SLC12A2: variants seen among roughly 807,000 people sequenced by gnomAD.
The protein encoded by SLC12A2 is solute carrier family 12 member 2.
Under a neutral mutation model 136.3 loss-of-function variants are expected in SLC12A2, and 67 were observed. That is an observed-to-expected ratio of 0.49 (90% CI 0.40 to 0.60). The LOEUF (loss-of-function observed/expected upper bound fraction) is 0.60, where lower values mean the gene tolerates loss of function less well. Ranked by LOEUF, SLC12A2 falls within the 20% of genes least tolerant of loss-of-function variation. SLC12A2 has a pLI of 0.00. For missense variants in SLC12A2, 1,322 were observed against 1,534.7 expected, an observed-to-expected ratio of 0.86 and a Z score of 2.32; for synonymous variants, 619 against 562.9, an observed-to-expected ratio of 1.10 and a Z score of -1.41.
In SLC12A2 at chr5:128,131,188, C is replaced by G. The variant is rs375928032; in HGVS notation, c.1170C>G (p.Thr390=). ...TGTATGTGGTTGGATTTGCAGAAAC[C>G]GTGGTGGAGTTGCTTAAGGTAATTC... is the stretch of plus-strand genomic sequence containing the variant. ...VAMYVVGFAE[T]VVELLKEHSI... Residue 390 remains threonine (T), a synonymous_variant, in exon 5 of 27, where the codon ACC becomes ACG. Coordinates refer to ENST00000262461, the MANE Select transcript of SLC12A2 (RefSeq NM_001046.3). 2 of 1,614,088 alleles carry G rather than the reference C, an allele frequency of 1.2e-6. No individual in the cohort carries two copies. The highest frequency in any genetic ancestry group is 1.7e-6 in the Non-Finnish European group (2 of 1,179,998).
chr5:128,177,993 G>A (rs1223425118), intron 21 of SLC12A2, among the ~76,000 whole-genome samples: 2 of 152,122 alleles, frequency 1.3e-5, no homozygotes, highest in Non-Finnish European at 2.9e-5. Context: ...AGAATTGGGT[G>A]CCACATATTG....
intron 7 of SLC12A2, among the ~76,000 whole-genome samples, chr5:128,136,155 C>A (rs926368137): frequency 6.6e-6 from 1 of 152,030 alleles, no homozygotes; most frequent in Non-Finnish European, 1.5e-5. Context: ...TATTTAAGCA[C>A]AACAGTATAA....
intron 16 of SLC12A2, among the ~76,000 whole-genome samples, chr5:128,161,058 G>A (rs193169364): frequency 4.3e-4 from 66 of 152,206 alleles, no homozygotes; most frequent in Non-Finnish European, 5.0e-4. Flanking sequence ...TTTAGGGTGT[G>A]TACTCTTAAG....
chr5:128,150,120 A>T (rs1468136377), intron 13 of SLC12A2, 22 bp downstream of exon 13: 6 of 1,429,934 alleles, frequency 4.2e-6, no homozygotes, highest in Non-Finnish European at 5.9e-6. Flanking sequence ...TTTTTAAAAA[A>T]GTTTGTAAAT....
At chr5:128,141,046 G>A (rs1762349938) in intron 9 of SLC12A2, among the ~76,000 whole-genome samples, 1 of 152,022 alleles carries the variant, frequency 6.6e-6, no homozygotes, top group Non-Finnish European at 1.5e-5. Flanking sequence ...TAAAGTATAA[G>A]GAATGGTAAT....
chr5:128,152,125 C>T (rs1581115885), intron 14 of SLC12A2, among the ~76,000 whole-genome samples: 3 of 152,214 alleles, frequency 2.0e-5, no homozygotes, highest in African/African-American at 7.2e-5. Flanking sequence ...TAGTTTTAAA[C>T]AGTAAGAACA....
chr5:128,186,300 T>A (rs1166452760), intron 26 of SLC12A2, among the ~76,000 whole-genome samples, 196 bp from the exon 27 acceptor site: 1 of 152,160 alleles, frequency 6.6e-6, no homozygotes, highest in African/African-American at 2.4e-5. Context: ...TTCTGAGAAA[T>A]GCGTCTCCAT....
At chr5:128,143,869 T>G (rs1762444690) in intron 10 of SLC12A2, among the ~76,000 whole-genome samples, 1 of 150,126 alleles carries the variant, frequency 6.7e-6, no homozygotes, top group South Asian at 2.1e-4. Context: ...AACTAAAATT[T>G]GTAAAGGCAT....
chr5:128,133,433 A>G (rs1041064586), intron 5 of SLC12A2, among the ~76,000 whole-genome samples: 2 of 152,080 alleles, frequency 1.3e-5, no homozygotes, highest in African/African-American at 2.4e-5. Context: ...ATTTCTTTTG[A>G]AAAGCATTAA....
intron 5 of SLC12A2, among the ~76,000 whole-genome samples, chr5:128,132,942 T>C (rs1279584108): frequency 2.0e-5 from 3 of 152,154 alleles, no homozygotes; most frequent in Non-Finnish European, 2.9e-5. Flanking sequence ...TAGAGAAATA[T>C]GAAATTTCAA....
intron 1 of SLC12A2, among the ~76,000 whole-genome samples, chr5:128,086,926 T>A (rs1041256411): frequency 3.9e-5 from 6 of 152,230 alleles, no homozygotes; most frequent in Non-Finnish European, 5.9e-5. Flanking sequence ...ATTTAGAATT[T>A]TTATAACACC....
intron 1 of SLC12A2, among the ~76,000 whole-genome samples, chr5:128,085,160 G>A (rs529198082): frequency 1.4e-3 from 220 of 151,742 alleles, no homozygotes; most frequent in Non-Finnish European, 2.6e-3. Flanking sequence ...CGCAAGAGTG[G>A]GAATGTTGCT....
At chr5:128,109,536 A>T in intron 1 of SLC12A2, 1 of 666,418 alleles carries the variant, frequency 1.5e-6, no homozygotes, top group South Asian at 1.6e-5. Flanking sequence ...CAGTTCCAGC[A>T]CTTGCTGGGT....
intron 22 of SLC12A2, 139 bp downstream of exon 22, chr5:128,178,828 A>G (rs754854872): frequency 4.3e-5 from 23 of 538,544 alleles, no homozygotes; most frequent in Non-Finnish European, 6.9e-5. Flanking sequence ...TAATTTCAGA[A>G]TCAGGCACAG....
At chr5:128,145,375 G>T (rs540014333) in intron 10 of SLC12A2, among the ~76,000 whole-genome samples, 34 of 152,094 alleles carry the variant, frequency 2.2e-4, no homozygotes, top group African/African-American at 7.2e-4. Context: ...AATTTTGTAT[G>T]ATCTAATGAG....
intron 1 of SLC12A2, among the ~76,000 whole-genome samples, chr5:128,090,623 C>G (rs979060166): frequency 6.6e-6 from 1 of 151,906 alleles, no homozygotes; most frequent in Non-Finnish European, 1.5e-5. Flanking sequence ...TAAAGCAGGG[C>G]GAGGAAAATT....
chr5:128,103,935 C>T (rs1760832310), intron 1 of SLC12A2, among the ~76,000 whole-genome samples: 1 of 152,140 alleles, frequency 6.6e-6, no homozygotes, highest in African/African-American at 2.4e-5. Context: ...ATAGAAATGT[C>T]ACTTCTATAA....
chr5:128,181,256 T>C (rs963113554), intron 23 of SLC12A2, among the ~76,000 whole-genome samples: 1 of 152,194 alleles, frequency 6.6e-6, no homozygotes, highest in African/African-American at 2.4e-5. Context: ...AACATTAAAG[T>C]GTTAAGCAAC....
chr5:128,158,148 G>T lies in SLC12A2; in HGVS notation c.2459G>T (p.Cys820Phe). Residue 820 changes from cysteine to phenylalanine, a missense_variant, in exon 16 of 27, where the codon TGT (cysteine) becomes TTT (phenylalanine). Coordinates refer to ENST00000262461, the MANE Select transcript of SLC12A2 (RefSeq NM_001046.3). ...DFTKNVGLMI[C>F]GHVHMGPRRQ... ...ACAAAAAATGTTGGTTTGATGATCT[G>T]TGGCCATGTACATATGGTAAGTATC... 6.2e-7 allele frequency: 1 copy of T among 1,612,196 alleles called. No individual in the cohort carries two copies. Among genetic ancestry groups the T allele is most frequent in the African/African-American group, 1.3e-5 (1 of 74,902 alleles).
Sources: gnomAD v4.1 joint callset for allele counts (sites outside exome capture counted in the v4.1 genomes callset) on GRCh38, gnomAD v4.1.1 for gene constraint, MANE v1.5 for transcripts, NCBI Gene and HGNC (gene_info 2026-07-23, HGNC 2026-07-21) for gene names.